Variants in TLN2 observed in about 807,000 individuals in gnomAD.
TLN2 encodes the protein talin-2.
A neutral mutation model predicts 294.7 loss-of-function variants in TLN2; 118 were observed. That is an observed-to-expected ratio of 0.40 (90% CI 0.34 to 0.47). The LOEUF (loss-of-function observed/expected upper bound fraction) is 0.47. TLN2 is among the 20% of genes least tolerant of loss of function. TLN2 has a pLI of 0.84. For missense variants in TLN2, 3,083 were observed against 3,282.2 expected, an observed-to-expected ratio of 0.94 and a Z score of 1.48; for synonymous variants, 1,431 against 1,304.5, an observed-to-expected ratio of 1.10 and a Z score of -2.09.
At chr15:62,647,139 G>C (rs959478404) in intron 3 of TLN2, 136 bp from the exon 4 acceptor site, 13 of 841,078 alleles carry the variant, frequency 1.5e-5, no homozygotes, top group Non-Finnish European at 2.0e-5. Context: ...TGTACCTAAA[G>C]TGTACTCTTT....
At chr15:62,475,254 G>T (rs1263721446) in intron 1 of TLN2, among the ~76,000 whole-genome samples, 1 of 152,084 alleles carries the variant, frequency 6.6e-6, no homozygotes, top group Non-Finnish European at 1.5e-5. Flanking sequence ...CTTTGTATAA[G>T]CCGACTTAAT....
At chr15:62,817,634 A>G (rs965601411) in intron 52 of TLN2, among the ~76,000 whole-genome samples, 2 of 152,030 alleles carry the variant, frequency 1.3e-5, no homozygotes, top group African/African-American at 4.8e-5. Context: ...CTTTATAGTC[A>G]TGGTGCAAAG....
At chr15:62,771,220 A>G (rs1488684027) in intron 42 of TLN2, 86 bp downstream of exon 42, 18 of 1,386,584 alleles carry the variant, frequency 1.3e-5, no homozygotes, top group Admixed American at 5.0e-5. Context: ...CCAGGAGAAA[A>G]CACTTCCAGT....
chr15:62,400,730 T>C (rs1241800021), intron 1 of TLN2, among the ~76,000 whole-genome samples: 4 of 152,016 alleles, frequency 2.6e-5, no homozygotes, highest in Admixed American at 6.6e-5. Flanking sequence ...CATTCATGCA[T>C]TTTTTTGGAG....
chr15:62,698,516 A>C (rs1033158640), intron 15 of TLN2, among the ~76,000 whole-genome samples: 1 of 152,176 alleles, frequency 6.6e-6, no homozygotes, highest in African/African-American at 2.4e-5. Flanking sequence ...TAAGCTCTTC[A>C]CACACTTCTG....
chr15:62,785,740 T>C (rs1002716415), intron 45 of TLN2, among the ~76,000 whole-genome samples: 3 of 151,560 alleles, frequency 2.0e-5, no homozygotes, highest in Non-Finnish European at 2.9e-5. Context: ...TCTACCACCA[T>C]CTGCCTTAGG....
At chr15:62,817,675 T>A (rs557671600) in intron 52 of TLN2, among the ~76,000 whole-genome samples, 1 of 152,218 alleles carries the variant, frequency 6.6e-6, no homozygotes, top group East Asian at 1.9e-4. Flanking sequence ...AAACCATCTT[T>A]CCAGATTCCT....
chr15:62,698,358 A>AT (rs2058498003), intron 15 of TLN2, among the ~76,000 whole-genome samples: 1 of 152,200 alleles, frequency 6.6e-6, no homozygotes, highest in Non-Finnish European at 1.5e-5. Context: ...TTGACCGTAG[A>AT]TTTAGATGGA....
At chr15:62,801,701 A>G (rs1208012653) in intron 50 of TLN2, among the ~76,000 whole-genome samples, 1 of 152,250 alleles carries the variant, frequency 6.6e-6, no homozygotes, top group East Asian at 1.9e-4. Context: ...TAAAAAATAC[A>G]GGAGTAACCT....
At position 62,711,895 on chromosome 15, in the gene TLN2, C is replaced by T. The variant is rs748770349; in HGVS notation, c.2468-16C>T. On this transcript the variant is annotated splice_polypyrimidine_tract_variant and intron_variant, in intron 21 of 58. Coordinates refer to ENST00000636159, the MANE Select transcript of TLN2 (RefSeq NM_015059.3). ...AAAGCAGACAAACAGACCTCATCCT[C>T]TATTCTGTCTTCTAGGTGAAATGGT... 10 of 1,596,702 alleles carry T rather than the reference C, an allele frequency of 6.3e-6. No individual in the cohort carries two copies. In the South Asian group the frequency reaches 1.1e-4, roughly 18 times the overall value.
chr15:62,641,477 A>G (rs2051092382), intron 3 of TLN2, among the ~76,000 whole-genome samples: 1 of 151,978 alleles, frequency 6.6e-6, no homozygotes, highest in Non-Finnish European at 1.5e-5. Flanking sequence ...TTAGCCAGGC[A>G]TGGTGGCACC....
rs2061060767 is a variant in TLN2, at chr15:62,737,081, G to A, written c.3562G>A (p.Ala1188Thr). Reference protein sequence around the residue: ...PGDAERQQRLAQVAKAVSHSL... With the variant: ...PGDAERQQRLTQVAKAVSHSL... ...AGATGCAGAGCGTCAACAAAGACTG[G>A]CTCAGGTGAGGCTAGGAATGAGAAA... is the stretch of plus-strand genomic sequence containing the variant. The change falls in exon 29 of 59, where the codon GCT becomes ACT. Residue 1188 changes from alanine (A) to threonine (T), a missense_variant. Coordinates refer to ENST00000636159, the MANE Select transcript of TLN2 (RefSeq NM_015059.3). 2 of 1,614,212 alleles carry A rather than the reference G, an allele frequency of 1.2e-6. No homozygotes were observed. Among genetic ancestry groups the A allele is most frequent in the Non-Finnish European group, 1.7e-6 (2 of 1,180,038 alleles).
At chr15:62,498,887 A>G (rs1191000807) in intron 1 of TLN2, among the ~76,000 whole-genome samples, 6 of 152,194 alleles carry the variant, frequency 3.9e-5, no homozygotes, top group Non-Finnish European at 8.8e-5. Context: ...CTCTAAAGAG[A>G]GCTGTACAGG....
Position 62,792,740 on chromosome 15 carries a change from T to C in TLN2, c.5836T>C (p.Tyr1946His). ...GALQVCPTDS[Y>H]TKRELIECAR... The stretch of plus-strand genomic sequence containing the variant: ...CCTCCAGGTCTGCCCCACAGACAGC[T>C]ACACCAAGAGGGAGCTGATCGAATG... The change falls in exon 46 of 59, where the codon TAC (tyrosine) becomes CAC (histidine). Residue 1946 changes from tyrosine (Y) to histidine (H), a missense_variant. Coordinates refer to ENST00000636159, the MANE Select transcript of TLN2 (RefSeq NM_015059.3). 1 of 1,614,074 alleles carries C rather than the reference T, an allele frequency of 6.2e-7. No homozygotes were observed. The highest frequency in any genetic ancestry group is 8.5e-7 in the Non-Finnish European group (1 of 1,180,036).
Position 62,697,855 on chromosome 15 carries a change from A to G in TLN2, c.1460A>G (p.His487Arg), listed in dbSNP as rs1043261807. 3.1e-6 allele frequency: 5 copies of G among 1,611,932 alleles called. No individual in the cohort carries two copies. The highest frequency in any genetic ancestry group is 1.3e-5 in the African/African-American group (1 of 74,890). ...QVMVGQMHRG[H>R]MPPLTSAQQA... ...ATGGTTGGGCAGATGCACCGAGGCCACATGCCGCCACTGGTGAGGCTTCCT... is the reference window on the plus strand; with the variant it reads ...ATGGTTGGGCAGATGCACCGAGGCCGCATGCCGCCACTGGTGAGGCTTCCT... The change falls in exon 15 of 59, where the codon CAC (histidine) becomes CGC (arginine). Residue 487 changes from histidine to arginine, a missense_variant. Coordinates refer to ENST00000636159, the MANE Select transcript of TLN2 (RefSeq NM_015059.3).
At chr15:62,658,046 A>G in intron 9 of TLN2, 148 bp downstream of exon 9, 2 of 749,234 alleles carry the variant, frequency 2.7e-6, no homozygotes, top group Non-Finnish European at 4.1e-6. Context: ...GTAGATGACC[A>G]AATTTGCAGA....
At chr15:62,677,389 T>G (rs2056335407) in intron 11 of TLN2, among the ~76,000 whole-genome samples, 1 of 152,238 alleles carries the variant, frequency 6.6e-6, no homozygotes, top group African/African-American at 2.4e-5. Flanking sequence ...AGTGACGTGC[T>G]AAAAAACTGT....
At chr15:62,437,486 CCTT>C (rs1182635553) in intron 1 of TLN2, among the ~76,000 whole-genome samples, 1 of 152,054 alleles carries the variant, frequency 6.6e-6, no homozygotes, top group Non-Finnish European at 1.5e-5. Flanking sequence ...CCCAAGCAGT[CCTT>C]CTCCCTCTGC....
rs1382276158 is a variant in TLN2, at chr15:62,752,398, C to G, written c.4303C>G (p.Leu1435Val). ...ATGTGTGGGGATTGCATCCAAGGCT[C>G]TCTGTGGGCTGACAGAGGCTGCAGC... ...GECVGIASKA[L>V]CGLTEAAAQA... Residue 1435 changes from leucine to valine, a missense_variant, in exon 35 of 59, where the codon CTC (leucine) becomes GTC (valine). Leu to Val is a conservative substitution (Grantham distance 32). Transcript: ENST00000636159. The G allele has an allele frequency of 3.7e-6, 6 of 1,614,142 alleles. No individual in the cohort carries two copies. The highest frequency in any genetic ancestry group is 1.3e-5 in the African/African-American group (1 of 75,038).
Sources: gnomAD v4.1 joint callset for allele counts (sites outside exome capture counted in the v4.1 genomes callset) on GRCh38, gnomAD v4.1.1 for gene constraint, MANE v1.5 for transcripts, NCBI Gene and HGNC (gene_info 2026-07-23, HGNC 2026-07-21) for gene names.